The following FMNL2 variants were observed in gnomAD, a reference collection of about 807,000 sequenced individuals.
FMNL2 encodes the protein formin like 2.
A neutral mutation model predicts 130.2 loss-of-function variants in FMNL2; 51 were observed. The observed-to-expected ratio is 0.39, with a 90% CI of 0.31 to 0.49. FMNL2 has a LOEUF of 0.49. Among genes scored for constraint, FMNL2 ranks in the 20% least tolerant of loss-of-function variants. FMNL2 has a pLI of 0.85. For missense variants in FMNL2, 977 were observed against 1,316.2 expected (o/e 0.74, Z 3.99); for synonymous variants, 465 against 467.1 (o/e 1.00, Z 0.06).
At position 152,636,544 on chromosome 2, in the gene FMNL2, A is replaced by G; in HGVS notation, c.2798A>G (p.Asn933Ser). 6.4e-7 allele frequency: 1 copy of G among 1,574,426 alleles called. No homozygotes were observed. Among genetic ancestry groups the G allele is most frequent in the Non-Finnish European group, 8.7e-7 (1 of 1,155,380 alleles). Residue 933 changes from asparagine to serine, a missense_variant, in exon 22 of 26, where the codon AAT (asparagine) becomes AGT (serine). Physicochemically the swap from Asn to Ser is conservative, Grantham distance 46 (BLOSUM62 1). Around this residue, in one of 4 missense-constraint regions of FMNL2, gnomAD observed 689 missense variants for 995.9 expected, o/e 0.69. Coordinates refer to ENST00000288670, the MANE Select transcript of FMNL2 (RefSeq NM_052905.4). ...CTGCTGAAGGAGTTCATCCTCAACAATGAGGGGAAGCTGAAGAAGCTGCAG... is the reference window on the plus strand; with the variant it reads ...CTGCTGAAGGAGTTCATCCTCAACAGTGAGGGGAAGCTGAAGAAGCTGCAG... ...NTLLKEFILN[N>S]EGKLKKLQDD...
intron 17 of FMNL2, among the ~76,000 whole-genome samples, chr2:152,627,387 A>G (rs754572874): frequency 5.3e-5 from 8 of 152,228 alleles, no homozygotes; most frequent in Non-Finnish European, 1.5e-5. Context: ...GTGACTTTCA[A>G]ATGTGATGAA....
intron 7 of FMNL2, among the ~76,000 whole-genome samples, chr2:152,578,278 C>T (rs1696584667): frequency 6.6e-6 from 1 of 152,038 alleles, no homozygotes; most frequent in Non-Finnish European, 1.5e-5. Flanking sequence ...GGTACTGATC[C>T]CTGGTGTAGT....
chr2:152,624,217 G>A (rs1033642947), intron 15 of FMNL2, among the ~76,000 whole-genome samples: 5 of 150,876 alleles, frequency 3.3e-5, no homozygotes, highest in Non-Finnish European at 1.5e-5. Flanking sequence ...GAGTGCTATG[G>A]CGTGATCTCG....
chr2:152,366,237 A>G (rs1021460981), intron 1 of FMNL2, among the ~76,000 whole-genome samples: 1 of 140,170 alleles, frequency 7.1e-6, no homozygotes. Context: ...GAATTGAACA[A>G]TGAGAACACG....
intron 15 of FMNL2, among the ~76,000 whole-genome samples, chr2:152,620,310 A>C (rs958579120): frequency 6.6e-6 from 1 of 152,112 alleles, no homozygotes; most frequent in African/African-American, 2.4e-5. Flanking sequence ...CTGCCAAATA[A>C]TTCATGTCCT....
intron 1 of FMNL2, among the ~76,000 whole-genome samples, chr2:152,460,059 G>A (rs1267428806): frequency 6.6e-6 from 1 of 152,268 alleles, no homozygotes; most frequent in East Asian, 1.9e-4. Context: ...GTCAATTTAA[G>A]TCAGTTCTCT....
chr2:152,364,261 G>GTTTTTTTTTTTTTTTTTTTT (rs869062341), intron 1 of FMNL2, among the ~76,000 whole-genome samples: 2 of 24,460 alleles, frequency 8.2e-5, no homozygotes, highest in African/African-American at 1.3e-4. Context: ...AGGTTTGTGT[G>GTTTTTTTTTTTTTTTTTTTT]TTTTTTTTTT....
chr2:152,625,256 A>T (rs1681701318), intron 15 of FMNL2, 182 bp from the exon 16 acceptor site: 1 of 549,086 alleles, frequency 1.8e-6, no homozygotes, highest in Non-Finnish European at 3.0e-6. Flanking sequence ...CCAAATGATG[A>T]CCTCAAATGG....
intron 4 of FMNL2, among the ~76,000 whole-genome samples, chr2:152,553,467 A>G (rs1336420573): frequency 6.6e-6 from 1 of 151,964 alleles, no homozygotes; most frequent in Non-Finnish European, 1.5e-5. Context: ...AATTCCACAC[A>G]AGTTAGAAGC....
chr2:152,540,069 G>C (rs778876236), intron 2 of FMNL2, among the ~76,000 whole-genome samples: 1 of 152,098 alleles, frequency 6.6e-6, no homozygotes, highest in Admixed American at 6.5e-5. Flanking sequence ...CAGCCTGGGT[G>C]ACAGAGTGAG....
Position 152,611,606 on chromosome 2 carries a change from G to A in FMNL2, c.1062+1G>A, listed in dbSNP as rs1451753946. ...ATTAGGCCTGGACGAATACTTGGAC[G>A]TGAGTATAGCTGTGACCTTTGGCTC... is the stretch of plus-strand genomic sequence containing the variant. On this transcript the variant is annotated splice_donor_variant, in intron 11 of 25. Transcript: ENST00000288670. LOFTEE classifies it high-confidence loss of function. 3 of 1,568,196 alleles carry A rather than the reference G, an allele frequency of 1.9e-6. No individual in the cohort carries two copies. The highest frequency in any genetic ancestry group is 2.6e-6 in the Non-Finnish European group (3 of 1,144,700).
chr2:152,454,258 C>A (rs771858603), intron 1 of FMNL2, among the ~76,000 whole-genome samples: 18 of 152,104 alleles, frequency 1.2e-4, no homozygotes, highest in Non-Finnish European at 2.6e-4. Context: ...GCCTGGGCCA[C>A]AGAGCAAGAC....
chr2:152,453,516 C>A (rs113589892), intron 1 of FMNL2, among the ~76,000 whole-genome samples: 17 of 152,100 alleles, frequency 1.1e-4, no homozygotes, highest in Non-Finnish European at 2.1e-4. Flanking sequence ...TTGTCCCCTT[C>A]CTCCCCTGCT....
chr2:152,585,773 G>A (rs539349564), intron 9 of FMNL2, among the ~76,000 whole-genome samples: 4 of 152,068 alleles, frequency 2.6e-5, no homozygotes, highest in South Asian at 4.2e-4. Flanking sequence ...TAAACACTAC[G>A]CTTCATCTCA....
intron 1 of FMNL2, among the ~76,000 whole-genome samples, chr2:152,429,180 ATAGAAG>A (rs1687351485): frequency 6.6e-6 from 1 of 151,672 alleles, no homozygotes; most frequent in Non-Finnish European, 1.5e-5. Flanking sequence ...TGAACTTAAA[ATAGAAG>A]TTGGAAATTT....
At position 152,375,896 on chromosome 2, in the gene FMNL2, T is replaced by C. The variant is rs67718691; in HGVS notation, c.117+40176T>C. ...CTCTCTCTATATATATATATATATA[T>C]AATTATTATTATTTTTTGAGACAGT... On this transcript the variant is annotated intron_variant, in intron 1 of 25. Coordinates refer to ENST00000288670, the MANE Select transcript of FMNL2 (RefSeq NM_052905.4). Among the ~76,000 whole-genome samples the C allele has an allele frequency of 6.9e-3, 995 of 143,654 alleles. 10 individuals are homozygous for C. The highest frequency in any genetic ancestry group is 0.019 in the South Asian group (82 of 4,418). The allele number at this position is 143,654 out of a possible 152,430, so 94.2% of individuals were successfully genotyped here.
intron 1 of FMNL2, among the ~76,000 whole-genome samples, chr2:152,468,767 A>G (rs1203693368): frequency 6.6e-6 from 1 of 152,228 alleles, no homozygotes; most frequent in Non-Finnish European, 1.5e-5. Flanking sequence ...GTTTTAGAGC[A>G]TAGATGTGAA....
At chr2:152,431,325 A>AT (rs1389833396) in intron 1 of FMNL2, among the ~76,000 whole-genome samples, 12 of 152,220 alleles carry the variant, frequency 7.9e-5, no homozygotes. Flanking sequence ...CTTCAGAGAA[A>AT]TTGAGTTAAT....
At chr2:152,631,916 T>TA in intron 20 of FMNL2, 92 bp from the exon 21 acceptor site, 1 of 1,410,044 alleles carries the variant, frequency 7.1e-7, no homozygotes, top group Non-Finnish European at 9.5e-7. Context: ...GTTACTCAGT[T>TA]AATGACTCTG....
Sources: gnomAD v4.1 joint callset for allele counts (sites outside exome capture counted in the v4.1 genomes callset) on GRCh38, gnomAD v4.1.1 for gene constraint, gnomAD v4.1.1 regional missense constraint, MANE v1.5 for transcripts, NCBI Gene and HGNC (gene_info 2026-07-23, HGNC 2026-07-21) for gene names.